CCDC102B: variants seen among roughly 807,000 people sequenced by gnomAD.
The protein encoded by CCDC102B is coiled-coil domain containing 102B.
Under a neutral mutation model 57.4 loss-of-function variants are expected in CCDC102B, and 75 were observed. The ratio of observed to expected loss-of-function variants is 1.31; its 90% CI spans 1.08 to 1.58. The LOEUF (loss-of-function observed/expected upper bound fraction) is 1.58, where lower values mean the gene tolerates loss of function less well. Among genes scored for constraint, CCDC102B ranks in the 40% most tolerant of loss-of-function variants. The pLI is 0.00. For missense variants in CCDC102B, 636 were observed against 582.6 expected (o/e 1.09, Z -0.94); for synonymous variants, 206 against 201.9 (o/e 1.02, Z -0.17).
chr18:68,834,438 TATA>T (rs1271596526), intron 1 of CCDC102B, among the ~76,000 whole-genome samples: 2 of 147,194 alleles, frequency 1.4e-5, no homozygotes, highest in Admixed American at 1.4e-4. Flanking sequence ...AATACATATA[TATA>T]TATATATATA....
intron 6 of CCDC102B, among the ~76,000 whole-genome samples, chr18:68,992,379 C>T (rs1455319974): frequency 2.0e-5 from 3 of 152,104 alleles, no homozygotes; most frequent in Non-Finnish European, 2.9e-5. Flanking sequence ...AAGTGATCTC[C>T]GTTGTCTCTG....
intron 6 of CCDC102B, among the ~76,000 whole-genome samples, chr18:68,906,568 T>G (rs1302108275): frequency 2.6e-5 from 4 of 152,248 alleles, no homozygotes; most frequent in Non-Finnish European, 4.4e-5. Flanking sequence ...ATTGTGATTT[T>G]CCTTTGCATT....
chr18:68,764,991 G>A lies in CCDC102B; in HGVS notation c.-67+48397G>A, dbSNP rs693048. On this transcript the variant is annotated intron_variant, in intron 2 of 3. Transcript: ENST00000578970. The stretch of plus-strand genomic sequence containing the variant: ...GAGTCCAGGAGTTCGAGGCTGCAGT[G>A]AGTGGTAATTGTGTCACTGCACTCC... Among the ~76,000 whole-genome samples the A allele has an allele frequency of 5.6e-3, 843 of 151,484 alleles. 5 individuals carry two copies. The highest frequency in any genetic ancestry group is 0.043 in the East Asian group (220 of 5,122).
chr18:68,734,808 A>G (rs925517077), intron 2 of CCDC102B: 3 of 152,214 alleles, frequency 2.0e-5, no homozygotes, highest in Non-Finnish European at 4.4e-5. Context: ...CAACCTGCAC[A>G]TATTTTCTAG....
intron 2 of CCDC102B, among the ~76,000 whole-genome samples, chr18:68,732,390 G>C (rs2032917799): frequency 6.6e-6 from 1 of 151,176 alleles, no homozygotes; most frequent in Non-Finnish European, 1.5e-5. Flanking sequence ...CTGTCACCCA[G>C]GCTGGAGTGC....
intron 5 of CCDC102B, among the ~76,000 whole-genome samples, chr18:68,884,415 AAAAG>A (rs1482735158): frequency 6.6e-6 from 1 of 152,128 alleles, no homozygotes; most frequent in African/African-American, 2.4e-5. Flanking sequence ...GCCAAACACA[AAAAG>A]AAAAATATTG....
At chr18:68,918,465 C>T (rs937989586) in intron 6 of CCDC102B, among the ~76,000 whole-genome samples, 157 of 152,264 alleles carry the variant, frequency 1.0e-3, no homozygotes, top group African/African-American at 3.5e-3. Flanking sequence ...ACCACGTATA[C>T]TAGTATGGCC....
upstream of CCDC102B, among the ~76,000 whole-genome samples, chr18:68,796,729 G>T (rs546831446): frequency 6.6e-6 from 1 of 152,164 alleles, no homozygotes; most frequent in African/African-American, 2.4e-5. Context: ...CAAGACAAGA[G>T]ATGTCTTCAT....
intron 2 of CCDC102B, among the ~76,000 whole-genome samples, chr18:68,738,555 T>C (rs1192696843): frequency 1.3e-5 from 2 of 152,210 alleles, no homozygotes; most frequent in Non-Finnish European, 2.9e-5. Context: ...CTGCTGTAGC[T>C]AATTCACCCT....
chr18:68,820,005 A>C (rs1402767231), intron 1 of CCDC102B, among the ~76,000 whole-genome samples: 1 of 152,084 alleles, frequency 6.6e-6, no homozygotes, highest in Non-Finnish European at 1.5e-5. Flanking sequence ...TTACACAATC[A>C]TATGTACAAA....
intron 6 of CCDC102B, among the ~76,000 whole-genome samples, chr18:68,958,343 T>C (rs1646791776): frequency 6.6e-6 from 1 of 152,210 alleles, no homozygotes; most frequent in South Asian, 2.1e-4. Flanking sequence ...ATATAATTTG[T>C]CTTTCATTCT....
intron 6 of CCDC102B, among the ~76,000 whole-genome samples, chr18:68,905,657 G>T (rs1480074111): frequency 6.6e-6 from 1 of 152,010 alleles, no homozygotes; most frequent in Non-Finnish European, 1.5e-5. Context: ...CAAGCGTGAT[G>T]CAGTAACTCC....
chr18:68,772,873 T>G (rs1487324803), intron 2 of CCDC102B, among the ~76,000 whole-genome samples: 1 of 152,002 alleles, frequency 6.6e-6, no homozygotes, highest in Admixed American at 6.6e-5. Flanking sequence ...CAGAAAAATT[T>G]CAGAAAGAAA....
At chr18:69,022,227 C>A (rs1162360681) in intron 7 of CCDC102B, among the ~76,000 whole-genome samples, 1 of 130,906 alleles carries the variant, frequency 7.6e-6, no homozygotes, top group Non-Finnish European at 1.5e-5. Flanking sequence ...ATATATAACA[C>A]ACACACACGC....
chr18:68,927,065 A>G (rs1428821199), intron 6 of CCDC102B, among the ~76,000 whole-genome samples: 2 of 151,974 alleles, frequency 1.3e-5, no homozygotes. Context: ...TGTGAATTCT[A>G]CCTGGAAATA....
intron 7 of CCDC102B, chr18:69,011,355 C>A: frequency 2.6e-6 from 1 of 390,618 alleles, no homozygotes; most frequent in South Asian, 8.5e-5. Flanking sequence ...CTTGTGTGCA[C>A]GTGCGCATGT....
At chr18:68,830,787 C>T (rs1187990050) in intron 1 of CCDC102B, among the ~76,000 whole-genome samples, 1 of 151,692 alleles carries the variant, frequency 6.6e-6, no homozygotes, top group African/African-American at 2.4e-5. Context: ...CTTGGCATCC[C>T]AAGTACTTCA....
At chr18:68,943,705 C>A (rs2049451503) in intron 6 of CCDC102B, among the ~76,000 whole-genome samples, 1 of 152,062 alleles carries the variant, frequency 6.6e-6, no homozygotes, top group African/African-American at 2.4e-5. Context: ...TAGAAAAATG[C>A]CACACTTTGA....
At chr18:68,801,018 G>A (rs1384300751) in intron 1 of CCDC102B, among the ~76,000 whole-genome samples, 2 of 150,850 alleles carry the variant, frequency 1.3e-5, no homozygotes, top group Non-Finnish European at 3.0e-5. Flanking sequence ...AGGTTTTTTT[G>A]TTCAATGTAT....
Sources: allele counts gnomAD v4.1 joint callset (sites outside exome capture counted in the v4.1 genomes callset), GRCh38; gene constraint gnomAD v4.1.1; transcripts MANE v1.5; gene names NCBI Gene and HGNC (gene_info 2026-07-23, HGNC 2026-07-21).